Variants in MAPKBP1 observed in about 807,000 individuals in gnomAD.
MAPKBP1 encodes mitogen-activated protein kinase-binding protein 1.
Under a neutral mutation model 170.5 loss-of-function variants are expected in MAPKBP1, and 71 were observed. That is an observed-to-expected ratio of 0.42 (90% CI 0.34 to 0.51). The LOEUF is 0.51. MAPKBP1 is among the 20% of genes least tolerant of loss of function. The pLI is 0.06. For synonymous variants in MAPKBP1, 719 were observed against 757.9 expected, an observed-to-expected ratio of 0.95 and a Z score of 0.84; for missense variants, 1,598 against 1,933.0, an observed-to-expected ratio of 0.83 and a Z score of 3.25.
chr15:41,825,783 G>A lies in MAPKBP1; in HGVS notation c.*347G>A, dbSNP rs2065080709. 4.5e-6 allele frequency: 1 copy of A among 221,104 alleles called. No homozygotes were observed. Among genetic ancestry groups the A allele is most frequent in the Non-Finnish European group, 9.0e-6 (1 of 110,538 alleles). 13.7% of individuals were successfully genotyped at this position (221,104 alleles called of 1,614,324 possible). A position where few individuals can be genotyped will look rare whatever the true frequency, so the allele number is the denominator to read the frequency against. ...CTCTTAGAAGCCATTTGAAATTACT[G>A]CAGGGATTAGCTCCCTGTGGTGGAG... On this transcript the variant is annotated 3_prime_UTR_variant, in exon 31 of 31. Coordinates refer to ENST00000457542, the MANE Select transcript of MAPKBP1 (RefSeq NM_014994.3).
Position 41,790,818 on chromosome 15 carries a change from C to A in MAPKBP1, c.115-9005C>A, listed in dbSNP as rs551333923. 5.9e-5 allele frequency among the ~76,000 whole-genome samples: 9 copies of A among 152,308 alleles called. No homozygotes were observed. The South Asian group carries it at 1.9e-3, about 32-fold the overall frequency. ...ACCTCTGACCAGATGGCACTTTGAA[C>A]TTTGAAGCAACAGGAATGAGTTAGC... On this transcript the variant is annotated intron_variant, in intron 2 of 30. Transcript: ENST00000457542.
At chr15:41,784,780 CAAAA>C (rs35050206) in intron 2 of MAPKBP1, among the ~76,000 whole-genome samples, 1 of 94,864 alleles carries the variant, frequency 1.1e-5, no homozygotes, top group Non-Finnish European at 1.9e-5. Flanking sequence ...GACTCCGTCT[CAAAA>C]AAAAAAAAAA....
intron 8 of MAPKBP1, 178 bp downstream of exon 8, chr15:41,813,279 C>G: frequency 6.6e-7 from 1 of 1,521,440 alleles, no homozygotes; most frequent in Non-Finnish European, 9.1e-7. Flanking sequence ...TGTATAACTG[C>G]CTCCTCTCTG....
chr15:41,811,624 C>A, intron 5 of MAPKBP1: 1 of 613,080 alleles, frequency 1.6e-6, no homozygotes, highest in Non-Finnish European at 3.0e-6. Context: ...TCTGTCCTGG[C>A]GGCGTAGTCT....
chr15:41,825,083 G>T (rs1262543454), intron 30 of MAPKBP1, 126 bp from the exon 31 acceptor site: 1 of 675,376 alleles, frequency 1.5e-6, no homozygotes, highest in South Asian at 2.0e-5. Context: ...GGCCATACAT[G>T]CTGATCTTGG....
chr15:41,822,730 G>A, intron 27 of MAPKBP1, 53 bp downstream of exon 27: 4 of 1,596,292 alleles, frequency 2.5e-6, no homozygotes, highest in Admixed American at 1.7e-5. Context: ...TCGCCTCCCA[G>A]GGCTGCTGCC....
At chr15:41,786,605 A>C (rs1434975698) in intron 2 of MAPKBP1, among the ~76,000 whole-genome samples, 1 of 150,756 alleles carries the variant, frequency 6.6e-6, no homozygotes, top group Non-Finnish European at 1.5e-5. Context: ...TCTACTAAAA[A>C]TACAAAAAAA....
At chr15:41,777,773 C>G (rs1277011468) in intron 2 of MAPKBP1, among the ~76,000 whole-genome samples, 1 of 152,188 alleles carries the variant, frequency 6.6e-6, no homozygotes, top group Non-Finnish European at 1.5e-5. Context: ...CATGTGGTGG[C>G]TGTGAGTAAT....
In MAPKBP1 at chr15:41,811,511, C is replaced by G. The variant is rs775875895; in HGVS notation, c.327+276C>G. The G allele has an allele frequency of 1.0e-4, 69 of 673,530 alleles. 2 individuals carry two copies. In the Middle Eastern group the frequency reaches 1.2e-3, roughly 12 times the overall value. The allele number at this position is 673,530 out of a possible 1,614,324, so 41.7% of individuals were successfully genotyped here. A position where few individuals can be genotyped will look rare whatever the true frequency, so the allele number is the denominator to read the frequency against. On this transcript the variant is annotated intron_variant, in intron 5 of 30. Coordinates refer to ENST00000457542, the MANE Select transcript of MAPKBP1 (RefSeq NM_014994.3). Reference sequence around the variant, plus strand: ...GAAATGTGCATTTGTAACAAGTTCCCAGAGAGTGCTGATCCTGCTGGTGAA... The same window carrying G: ...GAAATGTGCATTTGTAACAAGTTCCGAGAGAGTGCTGATCCTGCTGGTGAA...
At position 41,817,306 on chromosome 15, in the gene MAPKBP1, G is replaced by A; in HGVS notation, c.1712-82G>A. The A allele has an allele frequency of 7.1e-7, 1 of 1,412,884 alleles. No homozygotes were observed. Among genetic ancestry groups the A allele is most frequent in the Non-Finnish European group, 1.0e-6 (1 of 997,856 alleles). The allele number at this position is 1,412,884 out of a possible 1,614,324, so 87.5% of individuals were successfully genotyped here. On this transcript the variant is annotated intron_variant, in intron 14 of 30. Transcript: ENST00000457542. This position sits in a 1 kb window ranked among gnomAD's most constrained non-coding sequence, Gnocchi z 4.2. ...TGGCATGTAGAGTAGCTTGATGGGG[G>A]ATCTCATGGAGGGAAGGTGGGAGGC...
intron 2 of MAPKBP1, among the ~76,000 whole-genome samples, chr15:41,799,355 G>C (rs897831441): frequency 1.3e-5 from 2 of 152,158 alleles, no homozygotes; most frequent in African/African-American, 4.8e-5. Context: ...GGGATATTCT[G>C]AGTCACCTAA....
In MAPKBP1 at chr15:41,799,013, C is replaced by T. The variant is rs189642194; in HGVS notation, c.115-810C>T. On this transcript the variant is annotated intron_variant, in intron 2 of 30. Transcript: ENST00000457542. ...GGGAAGTCTCAATCTCACTTGGCAT[C>T]ATCTAGCAGAAAGACCAATGAATTA... Among the ~76,000 whole-genome samples the T allele has an allele frequency of 2.6e-4, 39 of 152,266 alleles. No individual in the cohort carries two copies. In the East Asian group the frequency reaches 2.9e-3, roughly 11 times the overall value.
At position 41,820,896 on chromosome 15, in the gene MAPKBP1, G is replaced by A; in HGVS notation, c.2546G>A (p.Gly849Glu). The change falls in exon 23 of 31, where the codon GGG becomes GAG. Residue 849 changes from glycine to glutamate, a missense_variant. Physicochemically the swap from Gly to Glu is moderately conservative, Grantham distance 98. This residue lies in a region of MAPKBP1 where 942 missense variants were observed against 953.2 expected (regional missense o/e 0.99). Coordinates refer to ENST00000457542, the MANE Select transcript of MAPKBP1 (RefSeq NM_014994.3). ...GCCAACCCAGGACCCAGAAGAAGAGGGCGCTGGGTTCAGCCAGGTGTGGAA... is the reference window on the plus strand; with the variant it reads ...GCCAACCCAGGACCCAGAAGAAGAGAGCGCTGGGTTCAGCCAGGTGTGGAA... ...PAANPGPRRR[G>E]RWVQPGVELS... The A allele has an allele frequency of 1.9e-6, 3 of 1,614,176 alleles. No homozygotes were observed. Among genetic ancestry groups the A allele is most frequent in the East Asian group, 4.5e-5 (2 of 44,878 alleles).
At chr15:41,787,344 A>G (rs1473850086) in intron 2 of MAPKBP1, among the ~76,000 whole-genome samples, 2 of 146,476 alleles carry the variant, frequency 1.4e-5, no homozygotes, top group East Asian at 2.1e-4. Context: ...TGATCAACAT[A>G]GTCGCTTTTA....
chr15:41,816,696 G>A (rs750051089), intron 13 of MAPKBP1, 46 bp downstream of exon 13: 15 of 1,555,926 alleles, frequency 9.6e-6, no homozygotes, highest in African/African-American at 9.5e-5. Flanking sequence ...CAGTCCTGCC[G>A]GTGCCACTTA....
At chr15:41,790,427 C>T (rs1178460842) in intron 2 of MAPKBP1, among the ~76,000 whole-genome samples, 7 of 152,078 alleles carry the variant, frequency 4.6e-5, no homozygotes, top group Non-Finnish European at 8.8e-5. Flanking sequence ...TGAAAAAAAC[C>T]TTAAGTTCTT....
At position 41,774,550 on chromosome 15, in the gene MAPKBP1, A is replaced by C. The variant is rs2064061893; in HGVS notation, c.-170A>C. 2.5e-6 allele frequency: 1 copy of C among 398,520 alleles called. No homozygotes were observed. Among genetic ancestry groups the C allele is most frequent in the Non-Finnish European group, 4.4e-6 (1 of 226,084 alleles). 24.7% of individuals were successfully genotyped at this position (398,520 alleles called of 1,614,324 possible). On this transcript the variant is annotated 5_prime_UTR_variant, in exon 1 of 31. Coordinates refer to ENST00000457542, the MANE Select transcript of MAPKBP1 (RefSeq NM_014994.3). Reference sequence around the variant, plus strand: ...GCTGCGGCTACCGCGGCGGAGCTGAAATTGCCGAACGCGATGCCCGAGGGC... The same window carrying C: ...GCTGCGGCTACCGCGGCGGAGCTGACATTGCCGAACGCGATGCCCGAGGGC...
intron 2 of MAPKBP1, among the ~76,000 whole-genome samples, chr15:41,786,013 A>G (rs986590792): frequency 1.3e-5 from 2 of 152,230 alleles, no homozygotes; most frequent in Non-Finnish European, 2.9e-5. Flanking sequence ...ATTGGTGTAC[A>G]TCAATAAGAT....
rs1228675513 is a variant in MAPKBP1 at position 41,824,176 on chromosome 15, C to T, written c.4213+115C>T. ...GGTACAGCTTCTGGTGTTTCTTGTC[C>T]TGTCTGCTCCTGTCGCAGGTCCGTA... is the stretch of plus-strand genomic sequence containing the variant. On this transcript the variant is annotated intron_variant, in intron 29 of 30. Transcript: ENST00000457542. 5 of 1,369,904 alleles carry T rather than the reference C, an allele frequency of 3.6e-6. No individual in the cohort carries two copies. In the East Asian group the frequency reaches 1.2e-4, roughly 32 times the overall value. The allele number at this position is 1,369,904 out of a possible 1,614,324, so 84.9% of individuals were successfully genotyped here.
Sources: gnomAD v4.1 joint callset for allele counts (sites outside exome capture counted in the v4.1 genomes callset) on GRCh38, gnomAD v4.1.1 for gene constraint, gnomAD v4.1.1 regional missense constraint, Gnocchi (gnomAD v3.1) non-coding constraint, MANE v1.5 for transcripts, NCBI Gene and HGNC (gene_info 2026-07-23, HGNC 2026-07-21) for gene names.